Variants in CLDN18 observed in about 807,000 individuals in gnomAD.
CLDN18 encodes the protein claudin 18, also known as claudin-18.
CLDN18 carries 20 observed loss-of-function variants against 25.0 expected under a neutral mutation model. The ratio of observed to expected loss-of-function variants is 0.80; its 90% CI spans 0.56 to 1.16. CLDN18 has a LOEUF of 1.16. CLDN18 is among the 50% of genes most tolerant of loss of function. The probability of loss-of-function intolerance (pLI) is 0.00; values close to 1 mark genes in which losing one functional copy is unlikely to be tolerated. For synonymous variants in CLDN18, 125 were observed against 135.6 expected (o/e 0.92, Z 0.54); for missense variants, 297 against 345.4 (o/e 0.86, Z 1.11).
intron 1 of CLDN18, among the ~76,000 whole-genome samples, chr3:138,020,082 C>T (rs1178607586): frequency 1.3e-5 from 2 of 152,170 alleles, no homozygotes; most frequent in Non-Finnish European, 2.9e-5. Context: ...TCTCTGTTTA[C>T]TTATCGATAG....
intron 1 of CLDN18, among the ~76,000 whole-genome samples, chr3:138,015,936 G>A (rs1020176566): frequency 1.3e-5 from 2 of 152,134 alleles, no homozygotes; most frequent in African/African-American, 2.4e-5. Context: ...AGATTAATGA[G>A]GTAAATGGTG....
chr3:138,000,557 T>A (rs986341498), intron 1 of CLDN18, among the ~76,000 whole-genome samples: 4 of 151,996 alleles, frequency 2.6e-5, no homozygotes, highest in African/African-American at 7.3e-5. Flanking sequence ...GTTGGTTGGT[T>A]TGGGATTGTG....
In CLDN18 at chr3:138,028,828, T is replaced by G. The variant is rs145028312; in HGVS notation, c.504-969T>G. Reference sequence around the variant, plus strand: ...TAGGCAAAGGGCACCAGCTTTGGAGTCAGACCACCCCAAGTTAGAATTCTC... The same window carrying G: ...TAGGCAAAGGGCACCAGCTTTGGAGGCAGACCACCCCAAGTTAGAATTCTC... On this transcript the variant is annotated intron_variant, in intron 3 of 4. Coordinates refer to ENST00000183605, the MANE Select transcript of CLDN18 (RefSeq NM_016369.4). Among the ~76,000 whole-genome samples the G allele has an allele frequency of 3.5e-3, 533 of 152,246 alleles. 2 individuals carry two copies. Among genetic ancestry groups the G allele is most frequent in the African/African-American group, 9.3e-3 (387 of 41,526 alleles).
intron 1 of CLDN18, among the ~76,000 whole-genome samples, chr3:138,022,385 C>T (rs182889741): frequency 2.4e-4 from 37 of 152,280 alleles, no homozygotes; most frequent in African/African-American, 8.4e-4. Flanking sequence ...ATGTGTTACC[C>T]ACCTGAAGAG....
chr3:138,030,469 C>G (rs1313330080), intron 4 of CLDN18, among the ~76,000 whole-genome samples: 1 of 152,238 alleles, frequency 6.6e-6, no homozygotes, highest in Non-Finnish European at 1.5e-5. Context: ...TGACCTCCAG[C>G]AGGTTGTTTG....
At chr3:138,020,531 G>A (rs1006191583) in intron 1 of CLDN18, among the ~76,000 whole-genome samples, 4 of 152,158 alleles carry the variant, frequency 2.6e-5, no homozygotes, top group Non-Finnish European at 4.4e-5. Flanking sequence ...ATTGATTGCC[G>A]ATTCTTCTGG....
chr3:138,022,437 T>G (rs1289204242), intron 1 of CLDN18, among the ~76,000 whole-genome samples: 1 of 152,216 alleles, frequency 6.6e-6, no homozygotes, highest in Non-Finnish European at 1.5e-5. Context: ...TAAACATTTA[T>G]AACAATTTGA....
intron 1 of CLDN18, chr3:137,999,174 A>G: frequency 8.3e-7 from 1 of 1,206,384 alleles, no homozygotes; most frequent in Non-Finnish European, 1.2e-6. Flanking sequence ...CACGACAGGG[A>G]CTGCTGGGGA....
upstream of CLDN18, among the ~76,000 whole-genome samples, chr3:138,008,075 A>G (rs1019109506): frequency 2.6e-5 from 4 of 152,018 alleles, no homozygotes; most frequent in African/African-American, 9.7e-5. Flanking sequence ...GTTCTTCCCT[A>G]TTTGCTTTCT....
upstream of CLDN18, among the ~76,000 whole-genome samples, chr3:138,008,063 T>A (rs529738127): frequency 2.6e-5 from 4 of 152,180 alleles, no homozygotes; most frequent in South Asian, 8.3e-4. Context: ...AAATTAGAGG[T>A]AGTTCTTCCC....
upstream of CLDN18, among the ~76,000 whole-genome samples, chr3:138,006,194 A>C (rs1004952363): frequency 2.0e-5 from 3 of 152,182 alleles, no homozygotes; most frequent in Non-Finnish European, 4.4e-5. Context: ...AAAATTAGGG[A>C]TATATGTGGT....
upstream of CLDN18, chr3:138,010,094 T>C: frequency 7.1e-7 from 1 of 1,401,690 alleles, no homozygotes; most frequent in East Asian, 2.5e-5. Context: ...AGGAAAACAC[T>C]GTGAGCAAAT....
intron 1 of CLDN18, among the ~76,000 whole-genome samples, chr3:138,012,074 T>A (rs1942142222): frequency 6.6e-6 from 1 of 152,270 alleles, no homozygotes; most frequent in East Asian, 1.9e-4. Context: ...GCCCCTCTCC[T>A]CCTTGCCTCT....
chr3:138,010,329 T>G lies in CLDN18; in HGVS notation c.104T>G (p.Leu35Arg), dbSNP rs1942119985. 2 of 1,614,078 alleles carry G rather than the reference T, an allele frequency of 1.2e-6. No homozygotes were observed. The highest frequency in any genetic ancestry group is 1.7e-6 in the Non-Finnish European group (2 of 1,180,030). ...TGMDMWSTQD[L>R]YDNPVTSVFQ... ...ATGGACATGTGGAGCACCCAGGACC[T>G]GTACGACAACCCCGTCACCTCCGTG... is the stretch of plus-strand genomic sequence containing the variant. Residue 35 changes from leucine (L) to arginine (R), a missense_variant, in exon 1 of 5, where the codon CTG becomes CGG. Physicochemically the swap from Leu to Arg is moderately radical, Grantham distance 102 (BLOSUM62 -2). Coordinates refer to ENST00000183605, the MANE Select transcript of CLDN18 (RefSeq NM_016369.4).
chr3:138,006,838 C>T (rs1047359658), upstream of CLDN18, among the ~76,000 whole-genome samples: 3 of 152,118 alleles, frequency 2.0e-5, no homozygotes, highest in Non-Finnish European at 4.4e-5. Flanking sequence ...TTAGTTTATC[C>T]TTTAAAATTA....
intron 1 of CLDN18, among the ~76,000 whole-genome samples, chr3:138,001,904 A>T (rs74534959): frequency 0.1 from 15,563 of 152,174 alleles, 836 homozygotes; most frequent in South Asian, 0.12. Context: ...TAAGATACAT[A>T]AAACTAAAAA....
At chr3:138,029,631 C>T (rs1942363849) in intron 3 of CLDN18, among the ~76,000 whole-genome samples, 166 bp from the exon 4 acceptor site, 1 of 152,152 alleles carries the variant, frequency 6.6e-6, no homozygotes, top group Admixed American at 6.5e-5. Context: ...CTCCAGGGTA[C>T]CTGATCAGTT....
rs369712344 is a variant in CLDN18, at chr3:138,023,750, C to T, written c.313C>T (p.Arg105Cys). The T allele has an allele frequency of 3.5e-5, 57 of 1,613,908 alleles. No homozygotes were observed. The highest frequency in any genetic ancestry group is 7.7e-5 in the South Asian group (7 of 91,058). The change falls in exon 2 of 5, where the codon CGC (arginine) becomes TGC (cysteine). Residue 105 changes from arginine (R) to cysteine (C), a missense_variant. Transcript: ENST00000183605. ...LVSIFALKCI[R>C]IGSMEDSAKA... The stretch of plus-strand genomic sequence containing the variant: ...ATCCATCTTTGCCCTGAAATGCATC[C>T]GCATTGGCAGCATGGAGGACTCTGC...
At chr3:138,012,013 A>G (rs894683671) in intron 1 of CLDN18, among the ~76,000 whole-genome samples, 1 of 152,198 alleles carries the variant, frequency 6.6e-6, no homozygotes, top group Non-Finnish European at 1.5e-5. Flanking sequence ...CCTCCCCAGC[A>G]GGGCTCTGAA....
Sources: allele counts gnomAD v4.1 joint callset (sites outside exome capture counted in the v4.1 genomes callset), GRCh38; gene constraint gnomAD v4.1.1; transcripts MANE v1.5; gene names NCBI Gene and HGNC (gene_info 2026-07-23, HGNC 2026-07-21).